Variants in DNAH12 observed in about 807,000 individuals in gnomAD.
The protein encoded by DNAH12 is dynein axonemal heavy chain 12, also known as axonemal beta dynein heavy chain 12.
DNAH12 carries 285 observed loss-of-function variants against 371.5 expected under a neutral mutation model. The ratio of observed to expected loss-of-function variants is 0.77; its 90% CI spans 0.70 to 0.85. DNAH12 has a LOEUF of 0.85. Among genes scored for constraint, DNAH12 ranks in the 40% least tolerant of loss-of-function variants. DNAH12 has a pLI of 0.00. For missense variants in DNAH12, 3,611 were observed against 3,689.4 expected, an observed-to-expected ratio of 0.98 and a Z score of 0.55; for synonymous variants, 1,200 against 1,213.0, an observed-to-expected ratio of 0.99 and a Z score of 0.22.
intron 58 of DNAH12, among the ~76,000 whole-genome samples, chr3:57,360,197 G>A (rs1294194331): frequency 2.0e-5 from 3 of 152,078 alleles, no homozygotes; most frequent in African/African-American, 7.2e-5. Flanking sequence ...AGACACTACA[G>A]AATATCTCAG....
intron 20 of DNAH12, among the ~76,000 whole-genome samples, chr3:57,458,540 A>C (rs1247308414): frequency 1.3e-5 from 2 of 152,196 alleles, no homozygotes; most frequent in African/African-American, 4.8e-5. Context: ...TACTTTTACT[A>C]CTGTCAACCA....
At position 57,471,456 on chromosome 3, in the gene DNAH12, CAT is replaced by C; in HGVS notation, c.1911+14_1911+15del. 6.5e-7 allele frequency: 1 copy of C among 1,530,790 alleles called. No individual in the cohort carries two copies. Among genetic ancestry groups the C allele is most frequent in the Non-Finnish European group, 8.8e-7 (1 of 1,142,002 alleles). The allele number at this position is 1,530,790 out of a possible 1,614,324, so 94.8% of individuals were successfully genotyped here. ...TATGGGCTGGCCATAGCTATTGTCT[CAT>C]ATATTTATCAGACCTGTTGCATGCG... On this transcript the variant is annotated intron_variant, in intron 15 of 73. Transcript: ENST00000495027.
intron 2 of DNAH12, among the ~76,000 whole-genome samples, chr3:57,528,090 G>A (rs6776052): frequency 0.41 from 62,804 of 151,706 alleles, 14,514 homozygotes; most frequent in South Asian, 0.57. Flanking sequence ...GGGCAATGGT[G>A]CAATCTCGGC....
At chr3:57,520,449 T>A (rs1309505770) in intron 4 of DNAH12, among the ~76,000 whole-genome samples, 1 of 26,542 alleles carries the variant, frequency 3.8e-5, no homozygotes, top group Non-Finnish European at 7.5e-5. Context: ...TTATTATTAT[T>A]ATTTTTTTTT....
At chr3:57,514,725 T>A (rs1277254871) in intron 4 of DNAH12, among the ~76,000 whole-genome samples, 2 of 151,728 alleles carry the variant, frequency 1.3e-5, no homozygotes, top group Non-Finnish European at 2.9e-5. Context: ...GAAAAGAAAC[T>A]CCAAATGAAA....
intron 70 of DNAH12, among the ~76,000 whole-genome samples, chr3:57,297,716 A>T (rs1388775809): frequency 6.6e-6 from 1 of 152,030 alleles, no homozygotes; most frequent in African/African-American, 2.4e-5. Flanking sequence ...ACTCCAGTTC[A>T]GCTATTCATG....
intron 57 of DNAH12, 139 bp downstream of exon 57, chr3:57,366,590 A>G (rs2063057185): frequency 6.6e-6 from 1 of 152,200 alleles, no homozygotes; most frequent in Non-Finnish European, 1.5e-5. Context: ...ACAGATGGCT[A>G]TTTTAGAGAT....
intron 66 of DNAH12, among the ~76,000 whole-genome samples, chr3:57,313,374 C>T (rs1340376871): frequency 6.6e-6 from 1 of 152,060 alleles, no homozygotes; most frequent in Non-Finnish European, 1.5e-5. Flanking sequence ...TACAAGGGGC[C>T]GGGCATAGTG....
At chr3:57,420,849 C>T (rs1250544417) in intron 36 of DNAH12, among the ~76,000 whole-genome samples, 1 of 136,414 alleles carries the variant, frequency 7.3e-6, no homozygotes, top group East Asian at 2.1e-4. Context: ...GCGGAGCTTG[C>T]AGTGAGCCGA....
intron 13 of DNAH12, among the ~76,000 whole-genome samples, chr3:57,480,566 T>C (rs968281620): frequency 2.0e-5 from 3 of 151,266 alleles, no homozygotes; most frequent in Non-Finnish European, 4.4e-5. Flanking sequence ...CCCTAACTCA[T>C]TTTATGAGGC....
At chr3:57,411,980 T>C (rs2064221205) in intron 39 of DNAH12, among the ~76,000 whole-genome samples, 1 of 152,152 alleles carries the variant, frequency 6.6e-6, no homozygotes, top group Non-Finnish European at 1.5e-5. Flanking sequence ...AGCAGACAAA[T>C]AGGTCAATGG....
intron 4 of DNAH12, among the ~76,000 whole-genome samples, chr3:57,513,519 T>A (rs1467041576): frequency 9.0e-6 from 1 of 110,518 alleles, no homozygotes; most frequent in Non-Finnish European, 2.0e-5. Context: ...ATAAAAAAAA[T>A]ACTACTAAAC....
At chr3:57,541,198 C>A (rs2069268144) in intron 2 of DNAH12, among the ~76,000 whole-genome samples, 1 of 151,796 alleles carries the variant, frequency 6.6e-6, no homozygotes, top group African/African-American at 2.4e-5. Context: ...TGCCACCACG[C>A]CAAGCTAATT....
intron 2 of DNAH12, among the ~76,000 whole-genome samples, chr3:57,533,987 C>T (rs2068939851): frequency 6.6e-6 from 1 of 152,122 alleles, no homozygotes; most frequent in South Asian, 2.1e-4. Flanking sequence ...TTTAGGGCCC[C>T]AGGGTACTTT....
intron 60 of DNAH12, among the ~76,000 whole-genome samples, chr3:57,335,329 A>G (rs577830917): frequency 6.6e-6 from 1 of 152,292 alleles, no homozygotes; most frequent in South Asian, 2.1e-4. Context: ...AGCTTAGGTG[A>G]CTGGAGTTTG....
intron 34 of DNAH12, among the ~76,000 whole-genome samples, chr3:57,426,301 A>G (rs1442757415): frequency 6.6e-6 from 1 of 152,148 alleles, no homozygotes; most frequent in Non-Finnish European, 1.5e-5. Flanking sequence ...AGAGGAAGAG[A>G]GTTCCAAGGG....
At position 57,403,486 on chromosome 3, in the gene DNAH12, A is replaced by C; in HGVS notation, c.6771T>G (p.His2257Gln). ...TTAGAACTCGACATATTCTTGATAA[A>C]TGTTCCAAAACATACCTACCACAAA... ...NLVIFRYVLE[H>Q]LSRICRVLKQ... The change falls in exon 43 of 74, where the codon CAT becomes CAG. Residue 2257 changes from histidine (H) to glutamine (Q), a missense_variant. Coordinates refer to ENST00000495027, the MANE Select transcript of DNAH12 (RefSeq NM_001366028.2). 1.9e-6 allele frequency: 3 copies of C among 1,548,438 alleles called. No individual in the cohort carries two copies. Among genetic ancestry groups the C allele is most frequent in the Non-Finnish European group, 2.6e-6 (3 of 1,145,942 alleles).
intron 17 of DNAH12, among the ~76,000 whole-genome samples, chr3:57,465,252 A>C (rs1276785050): frequency 6.6e-6 from 1 of 152,202 alleles, no homozygotes; most frequent in Non-Finnish European, 1.5e-5. Flanking sequence ...TACTTGAAAA[A>C]TATATATATA....
At chr3:57,399,896 C>G (rs969665753) in intron 43 of DNAH12, among the ~76,000 whole-genome samples, 3 of 152,198 alleles carry the variant, frequency 2.0e-5, no homozygotes, top group Non-Finnish European at 4.4e-5. Flanking sequence ...CAGTTTAATA[C>G]ATATAACATA....
Sources: allele counts gnomAD v4.1 joint callset (sites outside exome capture counted in the v4.1 genomes callset), GRCh38; gene constraint gnomAD v4.1.1; transcripts MANE v1.5; gene names NCBI Gene and HGNC (gene_info 2026-07-23, HGNC 2026-07-21).